SLC15A1: variants seen among roughly 807,000 people sequenced by gnomAD.
SLC15A1 encodes Caco-2 oligopeptide transporter.
SLC15A1 carries 83 observed loss-of-function variants against 92.9 expected under a neutral mutation model. That is an observed-to-expected ratio of 0.89 (90% CI 0.75 to 1.07). The LOEUF (loss-of-function observed/expected upper bound fraction) is 1.07. SLC15A1 is among the 50% of genes least tolerant of loss of function. The pLI, the probability that SLC15A1 is intolerant of heterozygous loss-of-function variation, is 0.00. For missense variants in SLC15A1, 857 were observed against 880.1 expected, an observed-to-expected ratio of 0.97 and a Z score of 0.33; for synonymous variants, 322 against 318.2, an observed-to-expected ratio of 1.01 and a Z score of -0.13.
At chr13:98,751,697 A>G (rs190347098) in intron 1 of SLC15A1, among the ~76,000 whole-genome samples, 117 of 152,356 alleles carry the variant, frequency 7.7e-4, no homozygotes, top group Non-Finnish European at 8.4e-4. Context: ...TCTGAGAGCC[A>G]GAGGACGGCT....
chr13:98,698,553 T>C (rs2088041443), intron 18 of SLC15A1, among the ~76,000 whole-genome samples: 1 of 152,210 alleles, frequency 6.6e-6, no homozygotes. Context: ...GCATTTCTTC[T>C]GCCTCGGCCT....
At chr13:98,719,973 A>T (rs1257706847) in intron 7 of SLC15A1, among the ~76,000 whole-genome samples, 1 of 151,770 alleles carries the variant, frequency 6.6e-6, no homozygotes, top group African/African-American at 2.4e-5. Context: ...TATAATAAAT[A>T]AATAAAAATT....
chr13:98,744,605 C>T (rs1197719978), intron 1 of SLC15A1, among the ~76,000 whole-genome samples: 3 of 151,664 alleles, frequency 2.0e-5, no homozygotes, highest in Admixed American at 1.3e-4. Flanking sequence ...AAAAATTAGC[C>T]GGGCGTGGTG....
At chr13:98,743,293 C>G (rs1381088679) in intron 1 of SLC15A1, among the ~76,000 whole-genome samples, 1 of 152,180 alleles carries the variant, frequency 6.6e-6, no homozygotes, top group Non-Finnish European at 1.5e-5. Context: ...AGATATCCTC[C>G]TAGCTTTTAA....
chr13:98,693,069 A>G (rs1370893317), intron 18 of SLC15A1, among the ~76,000 whole-genome samples: 1 of 145,786 alleles, frequency 6.9e-6, no homozygotes, highest in Non-Finnish European at 1.5e-5. Context: ...ATCCTTAACA[A>G]CACTTGTTAT....
At chr13:98,743,943 C>T (rs1207453326) in intron 1 of SLC15A1, among the ~76,000 whole-genome samples, 3 of 152,098 alleles carry the variant, frequency 2.0e-5, no homozygotes, top group Non-Finnish European at 4.4e-5. Context: ...GCTCCCCACA[C>T]CCAGCAGGCA....
chr13:98,737,096 A>T (rs922858856), intron 1 of SLC15A1, among the ~76,000 whole-genome samples: 1 of 152,394 alleles, frequency 6.6e-6, no homozygotes, highest in South Asian at 2.1e-4. Flanking sequence ...ACCAACCCAA[A>T]TGTCCATCAA....
intron 5 of SLC15A1, among the ~76,000 whole-genome samples, chr13:98,722,926 C>A (rs2088271329): frequency 6.6e-6 from 1 of 152,148 alleles, no homozygotes; most frequent in South Asian, 2.1e-4. Context: ...ACTTGTCAGG[C>A]AGTGTTCTAG....
chr13:98,711,328 C>T (rs1366881922), intron 11 of SLC15A1, among the ~76,000 whole-genome samples: 1 of 152,156 alleles, frequency 6.6e-6, no homozygotes, highest in Non-Finnish European at 1.5e-5. Context: ...GGGTATGTGT[C>T]TTAGGGCTGT....
At chr13:98,732,484 G>A (rs1256951058) in intron 1 of SLC15A1, among the ~76,000 whole-genome samples, 1 of 152,058 alleles carries the variant, frequency 6.6e-6, no homozygotes, top group Non-Finnish European at 1.5e-5. Flanking sequence ...GGGAACACAG[G>A]AGAAAACAAG....
chr13:98,717,008 G>A (rs957757191), intron 8 of SLC15A1, among the ~76,000 whole-genome samples: 1 of 152,136 alleles, frequency 6.6e-6, no homozygotes, highest in Non-Finnish European at 1.5e-5. Context: ...AACATAATGA[G>A]ATCCTATCTC....
intron 1 of SLC15A1, among the ~76,000 whole-genome samples, chr13:98,744,508 T>G (rs1176871776): frequency 6.6e-6 from 1 of 151,688 alleles, no homozygotes; most frequent in Non-Finnish European, 1.5e-5. Context: ...CCCAGCACTT[T>G]GGGAGGCCGA....
At chr13:98,686,666 T>C (rs1168338736) in intron 21 of SLC15A1, among the ~76,000 whole-genome samples, 1 of 152,206 alleles carries the variant, frequency 6.6e-6, no homozygotes, top group Non-Finnish European at 1.5e-5. Flanking sequence ...CTTCTGTGGC[T>C]TTCCTGCCAC....
intron 1 of SLC15A1, among the ~76,000 whole-genome samples, chr13:98,734,745 C>G (rs1314510185): frequency 1.3e-5 from 2 of 152,064 alleles, no homozygotes; most frequent in Non-Finnish European, 2.9e-5. Flanking sequence ...AGAAGAAATG[C>G]ATAAATTCCT....
intron 14 of SLC15A1, among the ~76,000 whole-genome samples, chr13:98,709,197 G>A (rs1406696044): frequency 6.6e-6 from 1 of 152,060 alleles, no homozygotes; most frequent in East Asian, 1.9e-4. Context: ...TCGAACTCCT[G>A]ACCTCAAATG....
In SLC15A1 at chr13:98,688,463, T is replaced by C. The variant is rs1273851500; in HGVS notation, c.1574+7A>G. 3.7e-6 allele frequency: 6 copies of C among 1,612,390 alleles called. No homozygotes were observed. Among genetic ancestry groups the C allele is most frequent in the South Asian group, 1.1e-5 (1 of 91,022 alleles). ...CTTTGAGTGAAGCATTCAGTCTCGGTACTTACATGCCAGAAGGAAAAAACT... is the reference window on the plus strand; with the variant it reads ...CTTTGAGTGAAGCATTCAGTCTCGGCACTTACATGCCAGAAGGAAAAAACT... On this transcript the variant is annotated splice_region_variant and intron_variant, in intron 19 of 22. Transcript: ENST00000376503.
chr13:98,703,539 C>CTTTTTTTTTT (rs771426478), intron 17 of SLC15A1, among the ~76,000 whole-genome samples: 11 of 85,544 alleles, frequency 1.3e-4, no homozygotes, highest in Admixed American at 2.6e-4. Context: ...GCTGCTGCTG[C>CTTTTTTTTTT]TTTTTTTTTT....
intron 1 of SLC15A1, among the ~76,000 whole-genome samples, chr13:98,741,564 C>T (rs1248920200): frequency 6.6e-6 from 1 of 151,896 alleles, no homozygotes; most frequent in Non-Finnish European, 1.5e-5. Flanking sequence ...GGTGAGAGCC[C>T]GTCTCTACTA....
chr13:98,733,348 A>T (rs1392000821), intron 1 of SLC15A1, among the ~76,000 whole-genome samples: 1 of 152,230 alleles, frequency 6.6e-6, no homozygotes, highest in African/African-American at 2.4e-5. Context: ...CTACTTACAT[A>T]TAAGTAAGAC....
Sources: gnomAD v4.1 joint callset for allele counts (sites outside exome capture counted in the v4.1 genomes callset) on GRCh38, gnomAD v4.1.1 for gene constraint, MANE v1.5 for transcripts, NCBI Gene and HGNC (gene_info 2026-07-23, HGNC 2026-07-21) for gene names.